GTF2F2: variants seen among roughly 807,000 people sequenced by gnomAD.
GTF2F2 encodes the protein general transcription factor IIF subunit 2.
GTF2F2 carries 23 observed loss-of-function variants against 42.2 expected under a neutral mutation model. The ratio of observed to expected loss-of-function variants is 0.55; its 90% CI spans 0.39 to 0.77. GTF2F2 has a LOEUF of 0.77. Ranked by LOEUF, GTF2F2 falls within the 30% of genes least tolerant of loss-of-function variation. The pLI, the probability that GTF2F2 is intolerant of heterozygous loss-of-function variation, is 0.00. For missense variants in GTF2F2, 261 were observed against 287.2 expected (o/e 0.91, Z 0.66); for synonymous variants, 105 against 100.8 (o/e 1.04, Z -0.25).
chr13:45,150,931 A>G (rs183321599), intron 3 of GTF2F2, among the ~76,000 whole-genome samples: 11 of 152,158 alleles, frequency 7.2e-5, no homozygotes, highest in Non-Finnish European at 1.3e-4. Flanking sequence ...ATAATGATAG[A>G]TTAGCCCCAT....
intron 1 of GTF2F2, chr13:45,123,204 T>C (rs1435289678): frequency 9.8e-5 from 15 of 152,392 alleles, no homozygotes; most frequent in Admixed American, 9.8e-4. Context: ...CTGCTCCATG[T>C]ATGTCCCTCC....
chr13:45,193,618 G>T, intron 4 of GTF2F2: 1 of 600,134 alleles, frequency 1.7e-6, no homozygotes, highest in Non-Finnish European at 2.9e-6. Context: ...CCCAGAGGAA[G>T]GACATCTTTA....
In GTF2F2 at chr13:45,267,374, G is replaced by A. The variant is rs1383837531; in HGVS notation, c.628G>A (p.Val210Met). 1.3e-6 allele frequency: 2 copies of A among 1,599,476 alleles called. No homozygotes were observed. The highest frequency in any genetic ancestry group is 1.1e-5 in the South Asian group (1 of 90,080). Residue 210 changes from valine (V) to methionine (M), a missense_variant and splice_region_variant, in exon 7 of 8, where the codon GTG (valine) becomes ATG (methionine). By Grantham distance (21) the Val-to-Met change is conservative (BLOSUM62 1). Coordinates refer to ENST00000340473, the MANE Select transcript of GTF2F2 (RefSeq NM_004128.3). Reference protein sequence around the residue: ...KDLVDITKQPVVYLKEILKEI... With the variant: ...KDLVDITKQPMVYLKEILKEI... Reference sequence around the variant, plus strand: ...CTTGGTGGACATCACAAAGCAACCTGTGGTATGTATATGTTCATACTGATC... The same window carrying A: ...CTTGGTGGACATCACAAAGCAACCTATGGTATGTATATGTTCATACTGATC...
chr13:45,243,588 C>T (rs921730081), intron 5 of GTF2F2, among the ~76,000 whole-genome samples: 14 of 152,210 alleles, frequency 9.2e-5, no homozygotes, highest in African/African-American at 3.4e-4. Flanking sequence ...ATACCTAACA[C>T]AATGTAAATG....
chr13:45,274,156 G>A (rs752759588), intron 7 of GTF2F2, among the ~76,000 whole-genome samples: 18 of 151,948 alleles, frequency 1.2e-4, no homozygotes, highest in Non-Finnish European at 2.5e-4. Context: ...CCAAGACAGC[G>A]AGTTCAATTA....
chr13:45,150,903 T>C (rs1232018009), intron 3 of GTF2F2, among the ~76,000 whole-genome samples: 1 of 152,120 alleles, frequency 6.6e-6, no homozygotes, highest in East Asian at 1.9e-4. Flanking sequence ...AGAGAAAACA[T>C]GAAAACTGTC....
chr13:45,122,287 G>A (rs1457027485), intron 1 of GTF2F2, among the ~76,000 whole-genome samples: 1 of 152,082 alleles, frequency 6.6e-6, no homozygotes, highest in African/African-American at 2.4e-5. Flanking sequence ...AAAATGTTTG[G>A]CAGTGTGCAG....
chr13:45,235,474 T>C (rs974979319), intron 5 of GTF2F2, among the ~76,000 whole-genome samples: 1 of 151,848 alleles, frequency 6.6e-6, no homozygotes, highest in Non-Finnish European at 1.5e-5. Flanking sequence ...GAGGCACTTA[T>C]CTTTTTTTTT....
In GTF2F2 at chr13:45,283,424, G is replaced by C; in HGVS notation, c.631-18G>C. On this transcript the variant is annotated intron_variant, in intron 7 of 7. Transcript: ENST00000340473. ...GCATTTATAATCTCATTTGTTAGGG[G>C]TTTTGTTTTTGTTTTAGGTGTACCT... 1.9e-6 allele frequency: 3 copies of C among 1,598,894 alleles called. No individual in the cohort carries two copies. Among genetic ancestry groups the C allele is most frequent in the Non-Finnish European group, 2.6e-6 (3 of 1,172,510 alleles).
At chr13:45,163,409 G>A (rs561827707) in intron 4 of GTF2F2, among the ~76,000 whole-genome samples, 7 of 152,160 alleles carry the variant, frequency 4.6e-5, no homozygotes, top group Admixed American at 1.3e-4. Flanking sequence ...GGTGGCGCAC[G>A]CTTGTAGCAC....
At chr13:45,265,462 A>T (rs1301371381) in intron 6 of GTF2F2, among the ~76,000 whole-genome samples, 2 of 151,556 alleles carry the variant, frequency 1.3e-5, no homozygotes, top group Admixed American at 6.6e-5. Context: ...AAGCTGTCTT[A>T]CTCTCCCCAT....
intron 7 of GTF2F2, among the ~76,000 whole-genome samples, chr13:45,279,232 T>C (rs1464493133): frequency 2.0e-5 from 3 of 152,216 alleles, no homozygotes; most frequent in Non-Finnish European, 4.4e-5. Context: ...GGTGCTGGAA[T>C]AAATGTTTGA....
intron 4 of GTF2F2, among the ~76,000 whole-genome samples, chr13:45,179,484 C>T (rs1157369786): frequency 6.6e-6 from 1 of 152,162 alleles, no homozygotes; most frequent in African/African-American, 2.4e-5. Flanking sequence ...GTTAGTTTAT[C>T]AGGAGCTTTT....
intron 5 of GTF2F2, 86 bp from the exon 6 acceptor site, chr13:45,252,785 A>G: frequency 1.5e-6 from 1 of 646,906 alleles, no homozygotes; most frequent in South Asian, 2.0e-5. Context: ...ATTAGTTTTC[A>G]TTGAATAAGA....
intron 5 of GTF2F2, among the ~76,000 whole-genome samples, chr13:45,241,304 G>T (rs1004550457): frequency 1.3e-5 from 2 of 151,912 alleles, no homozygotes; most frequent in Non-Finnish European, 2.9e-5. Flanking sequence ...CTACCCACCT[G>T]GGGTGGAGCA....
intron 7 of GTF2F2, among the ~76,000 whole-genome samples, chr13:45,281,212 G>A (rs1566161305): frequency 6.6e-6 from 1 of 152,130 alleles, no homozygotes; most frequent in Admixed American, 6.5e-5. Context: ...AGCCTCGGGG[G>A]AACCCAGGGC....
intron 5 of GTF2F2, among the ~76,000 whole-genome samples, chr13:45,225,665 A>G (rs1055126013): frequency 6.6e-6 from 1 of 152,066 alleles, no homozygotes; most frequent in African/African-American, 2.4e-5. Context: ...CTGTCTCCCA[A>G]AGACAACCGT....
chr13:45,254,588 T>A (rs1876021974), intron 6 of GTF2F2, among the ~76,000 whole-genome samples: 1 of 152,166 alleles, frequency 6.6e-6, no homozygotes, highest in African/African-American at 2.4e-5. Context: ...CTGGCTTACC[T>A]GAGGTGGTGC....
chr13:45,149,689 T>C, intron 2 of GTF2F2, 81 bp from the exon 3 acceptor site: 1 of 1,253,090 alleles, frequency 8.0e-7, no homozygotes, highest in South Asian at 1.6e-5. Context: ...AAATATGAAG[T>C]TTTTTTTTAA....
Sources: gnomAD v4.1 joint callset for allele counts (sites outside exome capture counted in the v4.1 genomes callset) on GRCh38, gnomAD v4.1.1 for gene constraint, MANE v1.5 for transcripts, NCBI Gene and HGNC (gene_info 2026-07-23, HGNC 2026-07-21) for gene names.